The following PNPLA2 variants were observed in gnomAD, a reference collection of about 807,000 sequenced individuals.
PNPLA2 encodes the protein patatin-like phospholipase domain-containing protein 2.
In PNPLA2, 28 loss-of-function variants were observed where a neutral mutation model predicts 39.7. The ratio of observed to expected loss-of-function variants is 0.70; its 90% CI spans 0.52 to 0.97. The LOEUF (loss-of-function observed/expected upper bound fraction) is 0.97, where lower values mean the gene tolerates loss of function less well. PNPLA2 is among the 50% of genes least tolerant of loss of function. The probability of loss-of-function intolerance (pLI) is 0.00; values close to 1 mark genes in which losing one functional copy is unlikely to be tolerated. For missense variants in PNPLA2, 768 were observed against 698.2 expected (o/e 1.10, Z -1.13); for synonymous variants, 392 against 321.1 (o/e 1.22, Z -2.36).
rs373862598 is a variant in PNPLA2 at position 824,110 on chromosome 11, C to T, written c.1032C>T (p.Ser344=). 10 of 1,600,294 alleles carry T rather than the reference C, an allele frequency of 6.2e-6. No homozygotes were observed. Among genetic ancestry groups the T allele is most frequent in the East Asian group, 2.3e-5 (1 of 44,360 alleles). The change falls in exon 8 of 10, where the codon AGC becomes AGT. Residue 344 remains serine, a synonymous_variant. Transcript: ENST00000336615. The stretch of plus-strand genomic sequence containing the variant: ...TGCCCTACACGCTGCCGCTGGAGAG[C>T]GCTCTGTCCTTCACCATCCGGTGTG... ...MMVPYTLPLE[S]ALSFTIRLLE...
Position 824,913 on chromosome 11 carries a change from C to G in PNPLA2, c.*51C>G. 1 of 1,401,580 alleles carries G rather than the reference C, an allele frequency of 7.1e-7. No homozygotes were observed. The highest frequency in any genetic ancestry group is 9.8e-7 in the Non-Finnish European group (1 of 1,024,468). 86.8% of individuals were successfully genotyped at this position (1,401,580 alleles called of 1,614,324 possible). ...GCCTGAGACGCCTCCATTACCACTG[C>G]GCAGTGAGATGAGGGGACTCACAGT... On this transcript the variant is annotated 3_prime_UTR_variant, in exon 10 of 10. Coordinates refer to ENST00000336615, the MANE Select transcript of PNPLA2 (RefSeq NM_020376.4).
rs1590181332 is a variant in PNPLA2, at chr11:824,844, C to T, written c.1497C>T (p.Ile499=). Reference sequence around the variant, plus strand: ...CTGCTCCCGAGGCCCGGCCCGTGATCGGGGCCCTGGGGCTGTGAGACCCCG... The same window carrying T: ...CTGCTCCCGAGGCCCGGCCCGTGATTGGGGCCCTGGGGCTGTGAGACCCCG... ...STPAPEARPV[I]GALGL Residue 499 remains isoleucine (I), a synonymous_variant, in exon 10 of 10, where the codon ATC becomes ATT. Coordinates refer to ENST00000336615, the MANE Select transcript of PNPLA2 (RefSeq NM_020376.4). 2 of 1,534,418 alleles carry T rather than the reference C, an allele frequency of 1.3e-6. No individual in the cohort carries two copies. The highest frequency in any genetic ancestry group is 1.7e-6 in the Non-Finnish European group (2 of 1,145,984).
At position 821,969 on chromosome 11, in the gene PNPLA2, C is replaced by T. The variant is rs1845681302; in HGVS notation, c.432C>T (p.Cys144=). The change falls in exon 4 of 10, where the codon TGC becomes TGT. Residue 144 remains cysteine (C), a synonymous_variant. Transcript: ENST00000336615. ...TCCCTGCCCTGAAGGCCAATGTCTG[C>T]AGCGGTTTCATCCCCGTGTACTGTG... is the stretch of plus-strand genomic sequence containing the variant. ...SKDELIQANV[C]SGFIPVYCGL... 3.1e-6 allele frequency: 5 copies of T among 1,613,906 alleles called. No homozygotes were observed. The highest frequency in any genetic ancestry group is 4.2e-6 in the Non-Finnish European group (5 of 1,179,978).
rs1186602970 is a variant in PNPLA2 at position 823,750 on chromosome 11, C to T, written c.814C>T (p.Pro272Ser). The change falls in exon 7 of 10, where the codon CCA becomes TCA. Residue 272 changes from proline (P) to serine (S), a missense_variant. Pro to Ser is a moderately conservative substitution (Grantham distance 74, BLOSUM62 -1). Coordinates refer to ENST00000336615, the MANE Select transcript of PNPLA2 (RefSeq NM_020376.4). ...LALPPARPHG[P>S]EDKDQAVESA... is the part of the protein sequence containing the mutation. The stretch of plus-strand genomic sequence containing the variant: ...GTTGCCCCCCGCCCGCCCCCACGGC[C>T]CAGAGGACAAGGACCAGGCAGTGGA... The T allele has an allele frequency of 6.2e-7, 1 of 1,608,600 alleles. No individual in the cohort carries two copies. Among genetic ancestry groups the T allele is most frequent in the Non-Finnish European group, 8.5e-7 (1 of 1,177,984 alleles).
intron 5 of PNPLA2, among the ~76,000 whole-genome samples, chr11:823,060 T>A (rs1845723764): frequency 6.6e-6 from 1 of 151,420 alleles, no homozygotes. Flanking sequence ...CTATTTTATT[T>A]TTTTATTTTT....
At chr11:819,209 C>G (rs1845584430) in intron 1 of PNPLA2, among the ~76,000 whole-genome samples, 1 of 152,234 alleles carries the variant, frequency 6.6e-6, no homozygotes, top group Admixed American at 6.5e-5. Context: ...TCCTCTGTCC[C>G]GGGTGGGTGT....
At chr11:822,270 TG>T in intron 4 of PNPLA2, 126 bp from the exon 5 acceptor site, 1 of 909,148 alleles carries the variant, frequency 1.1e-6, no homozygotes, top group Non-Finnish European at 1.8e-6. Context: ...CAGTGCCCAG[TG>T]GGTAAAACGC....
intron 2 of PNPLA2, among the ~76,000 whole-genome samples, chr11:820,579 C>T (rs1845635937): frequency 6.6e-6 from 1 of 152,186 alleles, no homozygotes; most frequent in Non-Finnish European, 1.5e-5. Flanking sequence ...CCTCGGCTCG[C>T]ACCATCGGCT....
rs938500044 is a variant in PNPLA2 at position 822,468 on chromosome 11, C to T, written c.558C>T (p.Pro186=). The T allele has an allele frequency of 1.9e-6, 3 of 1,613,998 alleles. No individual in the cohort carries two copies. The highest frequency in any genetic ancestry group is 2.5e-6 in the Non-Finnish European group (3 of 1,180,002). The change falls in exon 5 of 10, where the codon CCC becomes CCT. Residue 186 remains proline (P), a synonymous_variant. Transcript: ENST00000336615. The part of the protein sequence containing the change: ...YELKNTITVS[P]FSGESDICPQ... ...TTAAGAACACCATCACAGTGTCCCCCTTCTCGGGCGAGAGTGACATCTGTC... is the reference window on the plus strand; with the variant it reads ...TTAAGAACACCATCACAGTGTCCCCTTTCTCGGGCGAGAGTGACATCTGTC...
rs1845793272 is a variant in PNPLA2, at chr11:824,333, G to A, written c.1072G>A (p.Asp358Asn). 1 of 1,551,148 alleles carries A rather than the reference G, an allele frequency of 6.4e-7. No homozygotes were observed. Among genetic ancestry groups the A allele is most frequent in the Non-Finnish European group, 8.7e-7 (1 of 1,147,552 alleles). ...FTIRLLEWLPDVPEDIRWMKE... is the reference protein window; with the variant it reads ...FTIRLLEWLPNVPEDIRWMKE... ...CCCCAGCTTGCTGGAGTGGCTGCCC[G>A]ACGTTCCCGAGGACATCCGGTGGAT... The change falls in exon 9 of 10, where the codon GAC becomes AAC. Residue 358 changes from aspartate (D) to asparagine (N), a missense_variant. Asp to Asn is a conservative substitution (Grantham distance 23). Coordinates refer to ENST00000336615, the MANE Select transcript of PNPLA2 (RefSeq NM_020376.4).
In PNPLA2 at chr11:824,297, G is replaced by GGGT; in HGVS notation, c.1053-17_1053-16insGGT. On this transcript the variant is annotated splice_polypyrimidine_tract_variant and intron_variant, in intron 8 of 9. Coordinates refer to ENST00000336615, the MANE Select transcript of PNPLA2 (RefSeq NM_020376.4). ...GTCTGGCCAAGTCCCTGAACGCGCC[G>GGGT]CTCGCCCTGTCCCCAGCTTGCTGGA... The GGGT allele has an allele frequency of 6.5e-7, 1 of 1,550,136 alleles. No individual in the cohort carries two copies. Among genetic ancestry groups the GGGT allele is most frequent in the Non-Finnish European group, 8.7e-7 (1 of 1,147,456 alleles).
intron 8 of PNPLA2, 54 bp from the exon 9 acceptor site, chr11:824,260 G>A: frequency 6.5e-7 from 1 of 1,548,660 alleles, no homozygotes; most frequent in East Asian, 2.4e-5. Flanking sequence ...GGCCCGGCGG[G>A]TGGGCATGTG....
At chr11:823,113 A>G (rs2133848751) in intron 5 of PNPLA2, among the ~76,000 whole-genome samples, 1 of 151,684 alleles carries the variant, frequency 6.6e-6, no homozygotes, top group Admixed American at 6.6e-5. Context: ...GCTGGAGTGC[A>G]GTGGCTGGAT....
Position 823,600 on chromosome 11 carries a change from G to C in PNPLA2, c.757+13G>C. The C allele has an allele frequency of 1.2e-6, 2 of 1,606,514 alleles. No homozygotes were observed. The highest frequency in any genetic ancestry group is 1.7e-4 in the Middle Eastern group (1 of 6,048). On this transcript the variant is annotated intron_variant, in intron 6 of 9. Transcript: ENST00000336615. The stretch of plus-strand genomic sequence containing the variant: ...CTGCAGCGGAACGGTGCGCGGACCC[G>C]GGCGGGAGAGGGCGGGGTGGGCTCG...
At chr11:822,326 G>T in intron 4 of PNPLA2, 71 bp from the exon 5 acceptor site, 1 of 1,368,676 alleles carries the variant, frequency 7.3e-7, no homozygotes, top group Non-Finnish European at 1.0e-6. Flanking sequence ...GGCCGGGTGG[G>T]GTGGCTGGGG....
Position 822,540 on chromosome 11 carries a change from C to T in PNPLA2, c.630C>T (p.Thr210=). Residue 210 remains threonine (T), a synonymous_variant, in exon 5 of 10, where the codon ACC becomes ACT. Coordinates refer to ENST00000336615, the MANE Select transcript of PNPLA2 (RefSeq NM_020376.4). ...TNIHELRVTN[T]SIQFNLRNLY... ...TCCACGAGCTGCGGGTCACCAACACCAGCATCCAGTTCAACCTGCGCAACC... is the reference window on the plus strand; with the variant it reads ...TCCACGAGCTGCGGGTCACCAACACTAGCATCCAGTTCAACCTGCGCAACC... 1.2e-6 allele frequency: 2 copies of T among 1,614,102 alleles called. No individual in the cohort carries two copies. The highest frequency in any genetic ancestry group is 1.7e-6 in the Non-Finnish European group (2 of 1,180,032).
rs1251530213 is a variant in PNPLA2 at position 823,512 on chromosome 11, C to T, written c.697-15C>T. ...CCCTGGCTCCCTCCGCTCCATTTAA[C>T]CCTCCTCACTGCAGGTGCTGCGAGA... is the stretch of plus-strand genomic sequence containing the variant. On this transcript the variant is annotated splice_polypyrimidine_tract_variant and intron_variant, in intron 5 of 9. Coordinates refer to ENST00000336615, the MANE Select transcript of PNPLA2 (RefSeq NM_020376.4). The T allele has an allele frequency of 6.2e-7, 1 of 1,602,978 alleles. No individual in the cohort carries two copies. Among genetic ancestry groups the T allele is most frequent in the Non-Finnish European group, 8.5e-7 (1 of 1,175,416 alleles).
chr11:823,530 C>T lies in PNPLA2; in HGVS notation c.700C>T (p.Leu234=). The change falls in exon 6 of 10, where the codon CTG becomes TTG. Residue 234 remains leucine, a synonymous_variant. Coordinates refer to ENST00000336615, the MANE Select transcript of PNPLA2 (RefSeq NM_020376.4). The stretch of plus-strand genomic sequence containing the variant: ...CATTTAACCCTCCTCACTGCAGGTG[C>T]TGCGAGAGATGTGCAAGCAGGGATA... ...KALFPPEPLV[L]REMCKQGYRD... is the part of the protein sequence containing the mutation. 1.9e-6 allele frequency: 3 copies of T among 1,608,768 alleles called. No individual in the cohort carries two copies. Among genetic ancestry groups the T allele is most frequent in the Non-Finnish European group, 2.5e-6 (3 of 1,178,120 alleles).
At position 824,696 on chromosome 11, in the gene PNPLA2, C is replaced by G. The variant is rs1160701959; in HGVS notation, c.1349C>G (p.Thr450Ser). The G allele has an allele frequency of 6.3e-7, 1 of 1,594,788 alleles. No individual in the cohort carries two copies. Among genetic ancestry groups the G allele is most frequent in the Non-Finnish European group, 8.5e-7 (1 of 1,177,404 alleles). The change falls in exon 10 of 10, where the codon ACC (threonine) becomes AGC (serine). Residue 450 changes from threonine (T) to serine (S), a missense_variant. Coordinates refer to ENST00000336615, the MANE Select transcript of PNPLA2 (RefSeq NM_020376.4). The stretch of plus-strand genomic sequence containing the variant: ...CAGCTGCTGCTCGGCCTCTTCTGCA[C>G]CAACGTGGCCTTCCCGCCCGAAGCT... ...QRQLLLGLFC[T>S]NVAFPPEALR...
Sources: allele counts gnomAD v4.1 joint callset (sites outside exome capture counted in the v4.1 genomes callset), GRCh38; gene constraint gnomAD v4.1.1; transcripts MANE v1.5; gene names NCBI Gene and HGNC (gene_info 2026-07-23, HGNC 2026-07-21).